Variants in SEC14L3 observed in about 807,000 individuals in gnomAD.
SEC14L3 encodes the protein SEC14-like protein 3.
In SEC14L3, 56 loss-of-function variants were observed where a neutral mutation model predicts 57.4. That is an observed-to-expected ratio of 0.97 (90% confidence interval 0.79 to 1.22). SEC14L3 has a LOEUF of 1.22. Ranked by LOEUF, SEC14L3 falls within the 50% of genes most tolerant of loss-of-function variation. The pLI is 0.00. For missense variants in SEC14L3, 485 were observed against 511.7 expected (o/e 0.95, Z 0.50); for synonymous variants, 173 against 194.4 (o/e 0.89, Z 0.92).
chr22:30,470,766 A>G (rs1443637330), intron 1 of SEC14L3, 184 bp from the exon 2 acceptor site: 1 of 868,860 alleles, frequency 1.2e-6, no homozygotes, highest in Non-Finnish European at 1.4e-6. Flanking sequence ...GAATGGAAGG[A>G]GGATAGATGG....
At chr22:30,449,307 C>G (rs1445053531) in intron 12 of SEC14L3, 1 of 1,542,454 alleles carries the variant, frequency 6.5e-7, no homozygotes, top group Non-Finnish European at 8.8e-7. Flanking sequence ...ATCCTGAACT[C>G]CAGAGGGTCA....
intron 12 of SEC14L3, among the ~76,000 whole-genome samples, chr22:30,452,015 AAG>A (rs1934995464): frequency 1.4e-5 from 2 of 146,970 alleles, no homozygotes; most frequent in Admixed American, 6.8e-5. Flanking sequence ...AAAAAGAAAA[AAG>A]AAAAGAAAAG....
intron 7 of SEC14L3, among the ~76,000 whole-genome samples, chr22:30,465,320 G>A (rs1935383473): frequency 6.6e-6 from 1 of 152,102 alleles, no homozygotes; most frequent in South Asian, 2.1e-4. Flanking sequence ...CAGCCAAACA[G>A]CAAAGCAATC....
rs1007793554 is a variant in SEC14L3 at position 30,464,668 on chromosome 22, C to G, written c.664+152G>C. 9 of 712,334 alleles carry G rather than the reference C, an allele frequency of 1.3e-5. No individual in the cohort carries two copies. In the African/African-American group the frequency reaches 1.6e-4, roughly 12 times the overall value. The allele number at this position is 712,334 out of a possible 1,614,324, so 44.1% of individuals were successfully genotyped here. On this transcript the variant is annotated intron_variant, in intron 8 of 11. Coordinates refer to ENST00000215812, the MANE Select transcript of SEC14L3 (RefSeq NM_174975.5). ...CTGGTCTCAACCTCCTGATATCAAG[C>G]AATCCTCCTGCCTCAGCCTCCCAAA...
intron 9 of SEC14L3, 76 bp downstream of exon 9, chr22:30,462,009 TG>T: frequency 7.0e-7 from 1 of 1,432,772 alleles, no homozygotes; most frequent in Non-Finnish European, 9.7e-7. Flanking sequence ...TAGGTAATTG[TG>T]GATGAATGAC....
intron 2 of SEC14L3, 47 bp downstream of exon 2, chr22:30,470,460 C>T (rs1422673558): frequency 6.2e-7 from 1 of 1,612,550 alleles, no homozygotes; most frequent in Non-Finnish European, 8.5e-7. Context: ...GAGACCAGGC[C>T]CCTCTTGATG....
Position 30,460,054 on chromosome 22 carries a change from C to T in SEC14L3, c.1170G>A (p.Met390Ile), listed in dbSNP as rs768045020. ...TVEVLLPDEGMQKYDKELTPV is the reference protein window; with the variant it reads ...TVEVLLPDEGIQKYDKELTPV ...GGGTGAGCTCCTTATCATATTTCTG[C>T]ATGCCCTCGTCAGGGAGCAGGACCT... The change falls in exon 12 of 12, where the codon ATG (methionine) becomes ATA (isoleucine). Residue 390 changes from methionine (M) to isoleucine (I), a missense_variant. Physicochemically the swap from Met to Ile is conservative, Grantham distance 10. Transcript: ENST00000215812. 21 of 1,614,026 alleles carry T rather than the reference C, an allele frequency of 1.3e-5. No homozygotes were observed. The highest frequency in any genetic ancestry group is 3.3e-4 in the Middle Eastern group (2 of 6,084).
intron 10 of SEC14L3, 36 bp from the exon 11 acceptor site, chr22:30,461,515 C>T: frequency 3.1e-6 from 5 of 1,613,574 alleles, no homozygotes; most frequent in Non-Finnish European, 3.4e-6. Context: ...GGTTGCTGCT[C>T]AGCCTGATGG....
In SEC14L3 at chr22:30,470,013, G is replaced by A; in HGVS notation, c.234+6C>T. ...AAGACTGAGGTGTTTGGCGGTGTTGGCTCACCTCTGGGGGCTGCCAATCAA... is the reference window on the plus strand; with the variant it reads ...AAGACTGAGGTGTTTGGCGGTGTTGACTCACCTCTGGGGGCTGCCAATCAA... On this transcript the variant is annotated splice_donor_region_variant and intron_variant, in intron 4 of 11. Transcript: ENST00000215812. 1.3e-6 allele frequency: 2 copies of A among 1,541,178 alleles called. No homozygotes were observed. Among genetic ancestry groups the A allele is most frequent in the East Asian group, 4.5e-5 (2 of 44,230 alleles).
downstream of SEC14L3, among the ~76,000 whole-genome samples, chr22:30,455,099 TATATTTA>T (rs1418143893): frequency 7.0e-3 from 316 of 45,266 alleles, 1 homozygote; most frequent in African/African-American, 0.021. Context: ...TAATATATAA[TATATTTA>T]ATATTTAATA....
chr22:30,466,946 A>G, intron 6 of SEC14L3, 36 bp downstream of exon 6: 1 of 1,589,522 alleles, frequency 6.3e-7, no homozygotes, highest in Non-Finnish European at 8.6e-7. Flanking sequence ...CTGGTCATCA[A>G]AGCAAGCGGG....
chr22:30,463,309 A>G (rs1036276067), intron 8 of SEC14L3, among the ~76,000 whole-genome samples: 4 of 152,174 alleles, frequency 2.6e-5, no homozygotes, highest in Non-Finnish European at 4.4e-5. Context: ...GGCTGTTACC[A>G]TGCCCCAGCC....
At chr22:30,451,073 T>C (rs1934970891) in intron 12 of SEC14L3, among the ~76,000 whole-genome samples, 1 of 152,172 alleles carries the variant, frequency 6.6e-6, no homozygotes, top group Non-Finnish European at 1.5e-5. Flanking sequence ...GAAAGCTCAG[T>C]GTGTGACTGC....
chr22:30,456,151 T>G (rs577890411), downstream of SEC14L3, among the ~76,000 whole-genome samples: 5 of 152,100 alleles, frequency 3.3e-5, no homozygotes, highest in East Asian at 9.6e-4. Flanking sequence ...ATACAAAAAT[T>G]AGCCAGGCAT....
intron 9 of SEC14L3, 163 bp from the exon 10 acceptor site, chr22:30,461,857 G>T: frequency 1.7e-6 from 1 of 584,176 alleles, no homozygotes; most frequent in Non-Finnish European, 2.2e-6. Flanking sequence ...GGGCCAGTGC[G>T]TCTGCTGGGA....
intron 2 of SEC14L3, 23 bp downstream of exon 2, chr22:30,470,484 A>G (rs35074129): frequency 0.11 from 179,625 of 1,613,546 alleles, 11,220 homozygotes; most frequent in Non-Finnish European, 0.13. Context: ...CCTGATCCCA[A>G]CCTCTCCCAC....
intron 12 of SEC14L3, among the ~76,000 whole-genome samples, chr22:30,449,667 T>C (rs1934944336): frequency 1.3e-5 from 2 of 151,546 alleles, no homozygotes. Flanking sequence ...CAGTTTCAAG[T>C]GATTCTCCTG....
At chr22:30,457,061 C>T (rs977581852), downstream of SEC14L3, among the ~76,000 whole-genome samples, 8 of 152,196 alleles carry the variant, frequency 5.3e-5, no homozygotes, top group Non-Finnish European at 1.0e-4. Flanking sequence ...CACAAAGGGT[C>T]CACACTCTCT....
chr22:30,469,965 G>A (rs1935548444), intron 4 of SEC14L3, 54 bp downstream of exon 4: 2 of 1,367,062 alleles, frequency 1.5e-6, no homozygotes, highest in Middle Eastern at 2.1e-4. Context: ...GGTCCCCAGT[G>A]ACCTTGAGTG....
Sources: gnomAD v4.1 joint callset for allele counts (sites outside exome capture counted in the v4.1 genomes callset) on GRCh38, gnomAD v4.1.1 for gene constraint, MANE v1.5 for transcripts, NCBI Gene and HGNC (gene_info 2026-07-23, HGNC 2026-07-21) for gene names.